The following NRG1 variants were observed in gnomAD, a reference collection of about 807,000 sequenced individuals.
NRG1 encodes pro-neuregulin-1, membrane-bound isoform.
In NRG1, 18 loss-of-function variants were observed where a neutral mutation model predicts 63.8. The ratio of observed to expected loss-of-function variants is 0.28; its 90% CI spans 0.19 to 0.42. The LOEUF is 0.42. NRG1 is among the 10% of genes least tolerant of loss of function. The pLI, the probability that NRG1 is intolerant of heterozygous loss-of-function variation, is 1.00. For synonymous variants in NRG1, 302 were observed against 301.3 expected (o/e 1.00, Z -0.02); for missense variants, 762 against 814.7 (o/e 0.94, Z 0.79).
At chr8:32,512,774 G>A (rs1829366109) in intron 1 of NRG1, among the ~76,000 whole-genome samples, 1 of 152,134 alleles carries the variant, frequency 6.6e-6, no homozygotes. Flanking sequence ...CGTAGGAGGT[G>A]TTATAGGGAG....
intron 1 of NRG1, among the ~76,000 whole-genome samples, chr8:32,086,970 G>A (rs1460359208): frequency 6.6e-6 from 1 of 152,096 alleles, no homozygotes. Flanking sequence ...TAGATAGGAC[G>A]TTTCATAGAA....
intron 1 of NRG1, among the ~76,000 whole-genome samples, chr8:32,412,399 CCTCT>C (rs36067415): frequency 1.8e-3 from 172 of 92,986 alleles, no homozygotes; most frequent in Non-Finnish European, 2.7e-3. Context: ...CTCTCTCTCT[CCTCT>C]CTCTCTCTCT....
chr8:32,347,219 T>C (rs887673405), intron 1 of NRG1, among the ~76,000 whole-genome samples: 7 of 152,200 alleles, frequency 4.6e-5, no homozygotes, highest in African/African-American at 1.7e-4. Flanking sequence ...TAACTATAAT[T>C]TCCCCACTAT....
intron 1 of NRG1, among the ~76,000 whole-genome samples, chr8:32,425,029 A>G (rs1269486132): frequency 6.6e-6 from 1 of 152,198 alleles, no homozygotes; most frequent in Non-Finnish European, 1.5e-5. Flanking sequence ...ACTTATTGAA[A>G]AGCAGCTATT....
At chr8:32,590,597 A>G (rs1842360932) in intron 1 of NRG1, among the ~76,000 whole-genome samples, 1 of 152,196 alleles carries the variant, frequency 6.6e-6, no homozygotes, top group Non-Finnish European at 1.5e-5. Flanking sequence ...AAGTTTAGGA[A>G]CTACCATTGG....
intron 1 of NRG1, among the ~76,000 whole-genome samples, chr8:32,512,722 G>T (rs986153780): frequency 1.3e-5 from 2 of 152,174 alleles, no homozygotes; most frequent in African/African-American, 4.8e-5. Flanking sequence ...TTCAGTCTTA[G>T]ACATAATACC....
chr8:31,849,148 G>A (rs1289380199), intron 1 of NRG1, among the ~76,000 whole-genome samples: 2 of 152,144 alleles, frequency 1.3e-5, no homozygotes, highest in Admixed American at 1.3e-4. Context: ...CAGACATGCT[G>A]CTGTGTGCTT....
At chr8:31,939,385 C>G (rs28835329) in intron 1 of NRG1, among the ~76,000 whole-genome samples, 2 of 151,904 alleles carry the variant, frequency 1.3e-5, no homozygotes, top group Admixed American at 1.3e-4. Context: ...ATTACCAAGC[C>G]AGCACTACAA....
chr8:31,884,228 G>A (rs111630978), intron 1 of NRG1, among the ~76,000 whole-genome samples: 1,842 of 152,164 alleles, frequency 0.012, 43 homozygotes, highest in African/African-American at 0.042. Flanking sequence ...TTGAGGCCTC[G>A]TGTAAAATAA....
intron 1 of NRG1, among the ~76,000 whole-genome samples, chr8:32,279,900 G>A (rs1278163593): frequency 1.3e-5 from 2 of 152,158 alleles, no homozygotes; most frequent in Admixed American, 6.5e-5. Context: ...CTCCACTCAG[G>A]CACGTAGGTA....
chr8:31,786,292 A>G (rs866327138), intron 1 of NRG1, among the ~76,000 whole-genome samples: 1 of 152,210 alleles, frequency 6.6e-6, no homozygotes, highest in Admixed American at 6.5e-5. Context: ...TATTTTGTTA[A>G]TGTAGGAAAA....
chr8:31,796,033 A>T (rs551465685), intron 1 of NRG1, among the ~76,000 whole-genome samples: 1 of 152,316 alleles, frequency 6.6e-6, no homozygotes, highest in South Asian at 2.1e-4. Flanking sequence ...GTTACAAGGA[A>T]AATATATATT....
chr8:32,470,030 ATTTTTTT>A (rs71208185), intron 1 of NRG1, among the ~76,000 whole-genome samples: 4 of 132,650 alleles, frequency 3.0e-5, no homozygotes, highest in African/African-American at 5.6e-5. Context: ...CGCCCAGCTA[ATTTTTTT>A]TTTTTTTTTT....
At chr8:32,308,291 T>C (rs1856448918) in intron 1 of NRG1, among the ~76,000 whole-genome samples, 1 of 152,182 alleles carries the variant, frequency 6.6e-6, no homozygotes, top group Non-Finnish European at 1.5e-5. Context: ...CTTTCGTCAT[T>C]CCATTTTCTT....
In NRG1 at chr8:32,754,482, T is replaced by G. The variant is rs1243491380; in HGVS notation, c.794+8T>G. 2.5e-6 allele frequency: 4 copies of G among 1,612,780 alleles called. No individual in the cohort carries two copies. The highest frequency in any genetic ancestry group is 1.3e-5 in the African/African-American group (1 of 74,864). Reference sequence around the variant, plus strand: ...GGCCTACTGCAAAACCAAGTAAACCTTCTTTCTCCATGCCTTTCTCTCTCC... The same window carrying G: ...GGCCTACTGCAAAACCAAGTAAACCGTCTTTCTCCATGCCTTTCTCTCTCC... On this transcript the variant is annotated splice_region_variant and intron_variant, in intron 8 of 11. Transcript: ENST00000356819.
intron 1 of NRG1, among the ~76,000 whole-genome samples, chr8:32,132,381 A>G (rs1411185687): frequency 6.6e-6 from 1 of 152,070 alleles, no homozygotes; most frequent in Non-Finnish European, 1.5e-5. Context: ...ACACCATACT[A>G]ATTTCCAAAA....
chr8:32,280,405 C>T (rs1852575979), intron 1 of NRG1, among the ~76,000 whole-genome samples: 1 of 152,182 alleles, frequency 6.6e-6, no homozygotes, highest in Non-Finnish European at 1.5e-5. Context: ...TATCAGCTTA[C>T]AGGCTTTACT....
At chr8:31,936,692 T>G (rs1458778891) in intron 1 of NRG1, among the ~76,000 whole-genome samples, 1 of 152,212 alleles carries the variant, frequency 6.6e-6, no homozygotes, top group Non-Finnish European at 1.5e-5. Context: ...ATAATGCATT[T>G]TAGGATTAGA....
intron 1 of NRG1, among the ~76,000 whole-genome samples, chr8:31,951,973 C>T (rs1266429322): frequency 6.6e-6 from 1 of 152,128 alleles, no homozygotes; most frequent in Non-Finnish European, 1.5e-5. Context: ...TTGATTGAAT[C>T]AGGATCTTTT....
Sources: allele counts gnomAD v4.1 joint callset (sites outside exome capture counted in the v4.1 genomes callset), GRCh38; gene constraint gnomAD v4.1.1; transcripts MANE v1.5; gene names NCBI Gene and HGNC (gene_info 2026-07-23, HGNC 2026-07-21).